AFF3: variants seen among roughly 807,000 people sequenced by gnomAD.
AFF3 encodes ALF transcription elongation factor 3.
A neutral mutation model predicts 129.7 loss-of-function variants in AFF3; 32 were observed. The observed-to-expected ratio is 0.25, with a 90% CI of 0.19 to 0.33. The LOEUF is 0.33. Ranked by LOEUF, AFF3 falls within the 10% of genes least tolerant of loss-of-function variation. The pLI is 1.00. For missense variants in AFF3, 1,373 were observed against 1,592.0 expected (o/e 0.86, Z 2.34); for synonymous variants, 644 against 635.4 (o/e 1.01, Z -0.20).
intron 11 of AFF3, among the ~76,000 whole-genome samples, chr2:99,723,024 G>A (rs1041873755): frequency 6.6e-6 from 1 of 152,162 alleles, no homozygotes; most frequent in African/African-American, 2.4e-5. Flanking sequence ...GTTAGACTAT[G>A]AATAGTTTTT....
At chr2:99,943,246 T>C (rs941302163) in intron 7 of AFF3, among the ~76,000 whole-genome samples, 1 of 152,136 alleles carries the variant, frequency 6.6e-6, no homozygotes, top group Non-Finnish European at 1.5e-5. Context: ...CCTGCCCCCT[T>C]ACTCCAAAAT....
At chr2:99,763,292 C>A (rs1682766110) in intron 8 of AFF3, among the ~76,000 whole-genome samples, 1 of 152,182 alleles carries the variant, frequency 6.6e-6, no homozygotes, top group South Asian at 2.1e-4. Context: ...TCTAAATCAA[C>A]AAAAATTCAC....
chr2:100,044,995 G>A (rs1685720079), intron 4 of AFF3, among the ~76,000 whole-genome samples: 1 of 152,136 alleles, frequency 6.6e-6, no homozygotes, highest in African/African-American at 2.4e-5. Context: ...TCTGCTTTGG[G>A]AAGAAGAGCA....
At chr2:99,978,821 G>C (rs1326839639) in intron 7 of AFF3, among the ~76,000 whole-genome samples, 1 of 152,214 alleles carries the variant, frequency 6.6e-6, no homozygotes, top group Non-Finnish European at 1.5e-5. Context: ...TATGCGGGCA[G>C]GCCCTCACCA....
At chr2:99,799,369 A>G (rs1381068773) in intron 8 of AFF3, among the ~76,000 whole-genome samples, 1 of 151,988 alleles carries the variant, frequency 6.6e-6, no homozygotes, top group Non-Finnish European at 1.5e-5. Context: ...GAATGACTAC[A>G]TGTGTGGTCT....
At chr2:99,627,238 G>GC (rs1553409418) in intron 13 of AFF3, among the ~76,000 whole-genome samples, 1 of 149,846 alleles carries the variant, frequency 6.7e-6, no homozygotes, top group Admixed American at 6.7e-5. Context: ...GCTAACATCT[G>GC]TTTTTTTTTG....
At chr2:99,972,157 C>G (rs1678449407) in intron 7 of AFF3, among the ~76,000 whole-genome samples, 1 of 152,158 alleles carries the variant, frequency 6.6e-6, no homozygotes, top group Non-Finnish European at 1.5e-5. Flanking sequence ...CAAATGTATT[C>G]CAAATCCTGG....
At chr2:99,818,922 A>G (rs1284267204) in intron 8 of AFF3, among the ~76,000 whole-genome samples, 1 of 152,218 alleles carries the variant, frequency 6.6e-6, no homozygotes, top group Non-Finnish European at 1.5e-5. Flanking sequence ...ACATAAATGA[A>G]CATAAACTGA....
chr2:100,028,086 A>C (rs1684192372), intron 4 of AFF3, among the ~76,000 whole-genome samples: 1 of 152,208 alleles, frequency 6.6e-6, no homozygotes, highest in South Asian at 2.1e-4. Flanking sequence ...TCAAGGTGAA[A>C]CCATTTTTAC....
intron 4 of AFF3, among the ~76,000 whole-genome samples, chr2:100,071,910 G>C (rs143439020): frequency 1.0e-3 from 159 of 152,272 alleles, no homozygotes; most frequent in African/African-American, 3.6e-3. Flanking sequence ...AGTACAGCCT[G>C]TAAACCTAGT....
chr2:100,110,747 T>A (rs1169904822), intron 2 of AFF3, among the ~76,000 whole-genome samples: 1 of 152,210 alleles, frequency 6.6e-6, no homozygotes, highest in African/African-American at 2.4e-5. Context: ...AACAAGTTCA[T>A]GCAGCAGACA....
intron 8 of AFF3, among the ~76,000 whole-genome samples, chr2:99,805,683 A>G (rs1686285103): frequency 6.6e-6 from 1 of 152,176 alleles, no homozygotes; most frequent in African/African-American, 2.4e-5. Flanking sequence ...CACTCTATAC[A>G]TATTTAATCA....
intron 4 of AFF3, among the ~76,000 whole-genome samples, chr2:100,076,405 G>GC (rs1365493099): frequency 6.6e-6 from 1 of 152,286 alleles, no homozygotes; most frequent in East Asian, 1.9e-4. Context: ...CTTTAAAAAA[G>GC]CCTCGATACC....
chr2:99,878,447 C>A (rs1303770036), intron 7 of AFF3, among the ~76,000 whole-genome samples: 1 of 152,128 alleles, frequency 6.6e-6, no homozygotes, highest in Non-Finnish European at 1.5e-5. Context: ...GATTTTTAAA[C>A]ACCCAGAGCC....
chr2:100,124,730 TAATC>T (rs1692117060), intron 2 of AFF3, among the ~76,000 whole-genome samples: 1 of 152,086 alleles, frequency 6.6e-6, no homozygotes, highest in Non-Finnish European at 1.5e-5. Context: ...TGGGGAAAAT[TAATC>T]AAGGGCAACT....
intron 8 of AFF3, among the ~76,000 whole-genome samples, chr2:99,829,277 T>C (rs1022199425): frequency 6.6e-6 from 1 of 152,068 alleles, no homozygotes; most frequent in Admixed American, 6.6e-5. Flanking sequence ...AAAGCCAAAA[T>C]TGACAAATGG....
chr2:100,105,813 T>A, intron 2 of AFF3: 1 of 1,348,212 alleles, frequency 7.4e-7, no homozygotes, highest in Non-Finnish European at 9.8e-7. Flanking sequence ...TCACCAGGGA[T>A]TCCCCAGAAT....
At chr2:100,009,953 A>G (rs1682361543) in intron 4 of AFF3, among the ~76,000 whole-genome samples, 1 of 152,132 alleles carries the variant, frequency 6.6e-6, no homozygotes, top group African/African-American at 2.4e-5. Context: ...CCTGGCCATC[A>G]TTCTGCTTCC....
In AFF3 at chr2:99,626,447, CT is replaced by C. The variant is rs1682574649; in HGVS notation, c.1184+23178del. Among the ~76,000 whole-genome samples, 5 of 63,794 alleles carry C rather than the reference CT, an allele frequency of 7.8e-5. No homozygotes were observed. The Middle Eastern group carries it at 0.027, about 342-fold the overall frequency. 41.9% of individuals were successfully genotyped at this position (63,794 alleles called of 152,430 possible). On this transcript the variant is annotated intron_variant, in intron 13 of 24. Coordinates refer to ENST00000672756, the MANE Select transcript of AFF3 (RefSeq NM_001386135.1). ...CTCTCTCCTCCCTCCCTCTCCTTCC[CT>C]TCCCCTTCCTTCCTTCCTCCCTCCC... is the stretch of plus-strand genomic sequence containing the variant.
Sources: gnomAD v4.1 joint callset for allele counts (sites outside exome capture counted in the v4.1 genomes callset) on GRCh38, gnomAD v4.1.1 for gene constraint, MANE v1.5 for transcripts, NCBI Gene and HGNC (gene_info 2026-07-23, HGNC 2026-07-21) for gene names.